Variants in AK8 observed in about 807,000 individuals in gnomAD.
AK8 encodes the protein ATP-AMP transphosphorylase 8.
AK8 carries 44 observed loss-of-function variants against 54.6 expected under a neutral mutation model. The ratio of observed to expected loss-of-function variants is 0.81; its 90% CI spans 0.63 to 1.04. AK8 has a LOEUF of 1.04. AK8 is among the 50% of genes least tolerant of loss of function. The pLI, the probability that AK8 is intolerant of heterozygous loss-of-function variation, is 0.00. For missense variants in AK8, 555 were observed against 613.6 expected, an observed-to-expected ratio of 0.90 and a Z score of 1.01; for synonymous variants, 239 against 245.6, an observed-to-expected ratio of 0.97 and a Z score of 0.25.
intron 5 of AK8, among the ~76,000 whole-genome samples, chr9:132,840,449 A>ACATACAC (rs1304130927): frequency 7.2e-6 from 1 of 139,454 alleles, no homozygotes; most frequent in African/African-American, 2.7e-5. Context: ...CACACACACA[A>ACATACAC]GGCAAGTGAA....
intron 10 of AK8, among the ~76,000 whole-genome samples, chr9:132,795,279 T>C (rs1840109958): frequency 6.6e-6 from 1 of 152,124 alleles, no homozygotes; most frequent in Admixed American, 6.5e-5. Context: ...TGGCATGTTG[T>C]CTTGCATAAG....
At position 132,855,621 on chromosome 9, in the gene AK8, C is replaced by T. The variant is rs143494660; in HGVS notation, c.334-696G>A. On this transcript the variant is annotated intron_variant, in intron 4 of 12. Transcript: ENST00000298545. ...GGTTGTTGAATATTGACCAGCAGACCAAATGGTATCAAGGATATAGGAAGC... is the reference window on the plus strand; with the variant it reads ...GGTTGTTGAATATTGACCAGCAGACTAAATGGTATCAAGGATATAGGAAGC... Among the ~76,000 whole-genome samples the T allele has an allele frequency of 1.8e-3, 275 of 152,298 alleles. 2 individuals are homozygous for T. The highest frequency in any genetic ancestry group is 6.0e-3 in the African/African-American group (249 of 41,564).
At chr9:132,739,787 A>G (rs913604186) in intron 11 of AK8, among the ~76,000 whole-genome samples, 14 of 152,244 alleles carry the variant, frequency 9.2e-5, no homozygotes, top group Admixed American at 2.0e-4. Context: ...TCAGGAAGAA[A>G]AGAGAAATGC....
rs183826549 is a variant in AK8 at position 132,808,176 on chromosome 9, C to T, written c.979+6462G>A. On this transcript the variant is annotated intron_variant, in intron 10 of 12. Coordinates refer to ENST00000298545, the MANE Select transcript of AK8 (RefSeq NM_152572.3). The stretch of plus-strand genomic sequence containing the variant: ...AAAAGTGACAGGAGCTCCCTGGCAA[C>T]TAAGGCTGCATGATTTAAGCTCGAC... 4.1e-4 allele frequency among the ~76,000 whole-genome samples: 63 copies of T among 152,226 alleles called. No individual in the cohort carries two copies. The Middle Eastern group carries it at 0.01, about 25-fold the overall frequency.
At chr9:132,761,701 A>G (rs577038667) in intron 11 of AK8, among the ~76,000 whole-genome samples, 26 of 152,220 alleles carry the variant, frequency 1.7e-4, no homozygotes, top group Non-Finnish European at 3.1e-4. Flanking sequence ...TTATGTTACT[A>G]TATTTATTAT....
chr9:132,778,224 T>C (rs983282305), intron 11 of AK8, among the ~76,000 whole-genome samples: 3 of 152,222 alleles, frequency 2.0e-5, no homozygotes, highest in East Asian at 1.9e-4. Context: ...TCTCGGATGA[T>C]GGCAGCAAGG....
chr9:132,731,298 T>C (rs767703455), intron 11 of AK8, among the ~76,000 whole-genome samples: 1 of 152,168 alleles, frequency 6.6e-6, no homozygotes, highest in Non-Finnish European at 1.5e-5. Flanking sequence ...AAGTTGACAA[T>C]AGGTGGACTT....
chr9:132,782,376 C>T (rs2131132662), intron 11 of AK8, among the ~76,000 whole-genome samples: 1 of 152,272 alleles, frequency 6.6e-6, no homozygotes, highest in Non-Finnish European at 1.5e-5. Context: ...TTCATCTTCA[C>T]ATAGCTGATG....
intron 2 of AK8, among the ~76,000 whole-genome samples, chr9:132,868,301 T>C (rs902065086): frequency 6.6e-6 from 1 of 152,242 alleles, no homozygotes; most frequent in Non-Finnish European, 1.5e-5. Context: ...AGCTGGCTGC[T>C]TGGGTTTAAA....
intron 11 of AK8, among the ~76,000 whole-genome samples, chr9:132,736,163 C>T (rs1396419585): frequency 6.7e-6 from 1 of 149,472 alleles, no homozygotes; most frequent in Non-Finnish European, 1.5e-5. Context: ...CATGACTGTA[C>T]ATACGATGAA....
chr9:132,827,935 C>A, intron 7 of AK8, 78 bp downstream of exon 7: 1 of 1,439,494 alleles, frequency 6.9e-7, no homozygotes. Flanking sequence ...AATGCGAGGT[C>A]AGGAAATGGT....
At chr9:132,741,740 ACAAT>A (rs1837403299) in intron 11 of AK8, among the ~76,000 whole-genome samples, 1 of 152,212 alleles carries the variant, frequency 6.6e-6, no homozygotes, top group Non-Finnish European at 1.5e-5. Context: ...CATCATCAAC[ACAAT>A]CTAAGTATGG....
intron 5 of AK8, among the ~76,000 whole-genome samples, chr9:132,852,349 C>T (rs1842997412): frequency 6.6e-6 from 1 of 152,136 alleles, no homozygotes; most frequent in Admixed American, 6.6e-5. Context: ...GTGGCTCATG[C>T]TAGTAATCCC....
intron 5 of AK8, among the ~76,000 whole-genome samples, chr9:132,838,340 A>G (rs1842408121): frequency 1.3e-5 from 2 of 152,206 alleles, no homozygotes; most frequent in South Asian, 2.1e-4. Context: ...CTTTACAGTG[A>G]AAGAACCAAG....
intron 11 of AK8, among the ~76,000 whole-genome samples, chr9:132,740,992 C>T (rs576070927): frequency 6.6e-6 from 1 of 152,290 alleles, no homozygotes. Flanking sequence ...AGGACCCTCG[C>T]TATCATCTGC....
chr9:132,859,096 T>C (rs1843286522), intron 4 of AK8, among the ~76,000 whole-genome samples: 1 of 151,942 alleles, frequency 6.6e-6, no homozygotes, highest in African/African-American at 2.4e-5. Context: ...CCTCAAGAAA[T>C]GGGAGCAGCA....
chr9:132,849,039 G>T (rs147477226), intron 5 of AK8, among the ~76,000 whole-genome samples: 245 of 151,552 alleles, frequency 1.6e-3, no homozygotes, highest in African/African-American at 5.7e-3. Context: ...CTCCTGAGTA[G>T]CTGGGACTAC....
intron 2 of AK8, among the ~76,000 whole-genome samples, chr9:132,868,371 C>T (rs1394103972): frequency 6.6e-6 from 1 of 152,232 alleles, no homozygotes; most frequent in African/African-American, 2.4e-5. Flanking sequence ...AGGTAACTCA[C>T]TGAATGATCC....
chr9:132,873,139 G>C (rs1843931179), intron 2 of AK8, among the ~76,000 whole-genome samples: 1 of 152,120 alleles, frequency 6.6e-6, no homozygotes, highest in African/African-American at 2.4e-5. Context: ...GTAGAGATGG[G>C]GTTTTGCCAT....
Sources: allele counts gnomAD v4.1 joint callset (sites outside exome capture counted in the v4.1 genomes callset), GRCh38; gene constraint gnomAD v4.1.1; transcripts MANE v1.5; gene names NCBI Gene and HGNC (gene_info 2026-07-23, HGNC 2026-07-21).